MKRN2: variants seen among roughly 807,000 people sequenced by gnomAD.
The protein encoded by MKRN2 is E3 ubiquitin-protein ligase makorin-2.
In MKRN2, 32 loss-of-function variants were observed where a neutral mutation model predicts 45.4. The ratio of observed to expected loss-of-function variants is 0.70; its 90% CI spans 0.53 to 0.95. The LOEUF is 0.95. Among genes scored for constraint, MKRN2 ranks in the 40% least tolerant of loss-of-function variants. The pLI, the probability that MKRN2 is intolerant of heterozygous loss-of-function variation, is 0.00. For missense variants in MKRN2, 526 were observed against 536.7 expected (o/e 0.98, Z 0.20); for synonymous variants, 206 against 192.4 (o/e 1.07, Z -0.59).
chr3:12,576,254 G>A (rs889232682), intron 5 of MKRN2, among the ~76,000 whole-genome samples: 2 of 149,974 alleles, frequency 1.3e-5, no homozygotes, highest in Non-Finnish European at 3.0e-5. Context: ...TAAGTTCTGG[G>A]GTACATGTGC....
chr3:12,583,493 C>T lies in MKRN2; in HGVS notation c.*1240C>T. 1 of 207,240 alleles carries T rather than the reference C, an allele frequency of 4.8e-6. No homozygotes were observed. The highest frequency in any genetic ancestry group is 9.8e-6 in the Non-Finnish European group (1 of 101,696). The allele number at this position is 207,240 out of a possible 1,614,324, so 12.8% of individuals were successfully genotyped here. ...ATTACAAATTCATTCCCAGCCTAGG[C>T]TCTGGGCACATTTCCTGTTCTTGAA... On this transcript the variant is annotated 3_prime_UTR_variant, in exon 8 of 8. Transcript: ENST00000170447.
chr3:12,567,285 C>G (rs75401581), intron 1 of MKRN2, among the ~76,000 whole-genome samples: 1 of 105,996 alleles, frequency 9.4e-6, no homozygotes, highest in Non-Finnish European at 2.0e-5. Flanking sequence ...TTTTTTTTTT[C>G]TTTTGTGAGA....
chr3:12,561,458 A>G (rs1559386289), intron 1 of MKRN2, among the ~76,000 whole-genome samples: 1 of 152,154 alleles, frequency 6.6e-6, no homozygotes, highest in Non-Finnish European at 1.5e-5. Flanking sequence ...TGGTTCTTTC[A>G]GGAAATTTTC....
At chr3:12,560,924 A>C (rs2058032178) in intron 1 of MKRN2, 1 of 152,246 alleles carries the variant, frequency 6.6e-6, no homozygotes, top group South Asian at 2.1e-4. Flanking sequence ...GGCTTGGAGT[A>C]AGATCAGTAT....
At chr3:12,580,673 G>T (rs1002899054) in intron 6 of MKRN2, among the ~76,000 whole-genome samples, 2 of 152,144 alleles carry the variant, frequency 1.3e-5, no homozygotes, top group Non-Finnish European at 2.9e-5. Flanking sequence ...TGGCCAGGCT[G>T]GTCTCAAACT....
In MKRN2 at chr3:12,582,401, C is replaced by A; in HGVS notation, c.*148C>A. The stretch of plus-strand genomic sequence containing the variant: ...CTTAGCCTTAGTCTCATTCAATCTC[C>A]ATTATTACAGCCATGGGGAAGAGTG... On this transcript the variant is annotated 3_prime_UTR_variant, in exon 8 of 8. Transcript: ENST00000170447. The A allele has an allele frequency of 1.1e-6, 1 of 935,920 alleles. No individual in the cohort carries two copies. Among genetic ancestry groups the A allele is most frequent in the Non-Finnish European group, 1.6e-6 (1 of 618,750 alleles). The allele number at this position is 935,920 out of a possible 1,614,324, so 58.0% of individuals were successfully genotyped here. A position where few individuals can be genotyped will look rare whatever the true frequency, so the allele number is the denominator to read the frequency against.
intron 1 of MKRN2, among the ~76,000 whole-genome samples, chr3:12,560,298 C>T (rs1283665450): frequency 6.6e-6 from 1 of 152,034 alleles, no homozygotes; most frequent in Non-Finnish European, 1.5e-5. Flanking sequence ...ACATAGCAAG[C>T]AGTCTGACTT....
At position 12,583,676 on chromosome 3, in the gene MKRN2, C is replaced by CAATAAAAACAAAATT. The variant is rs2058213084; in HGVS notation, c.*1426_*1440dup. 2.6e-5 allele frequency: 6 copies of CAATAAAAACAAAATT among 233,234 alleles called. No homozygotes were observed. The South Asian group carries it at 1.1e-3, about 42-fold the overall frequency. The allele number at this position is 233,234 out of a possible 1,614,324, so 14.4% of individuals were successfully genotyped here. A position where few individuals can be genotyped will look rare whatever the true frequency, so the allele number is the denominator to read the frequency against. On this transcript the variant is annotated 3_prime_UTR_variant, in exon 8 of 8. Coordinates refer to ENST00000170447, the MANE Select transcript of MKRN2 (RefSeq NM_014160.5). ...TCAGATAACTGTATTTTGTCAGGTG[C>CAATAAAAACAAAATT]AATAAAAACAAAATTAAAACCCAAA... is the stretch of plus-strand genomic sequence containing the variant.
chr3:12,575,009 A>G lies in MKRN2; in HGVS notation c.857+3A>G. 6.2e-7 allele frequency: 1 copy of G among 1,612,690 alleles called. No homozygotes were observed. The highest frequency in any genetic ancestry group is 8.5e-7 in the Non-Finnish European group (1 of 1,178,706). ...CAGTTTGAAAACCCAATCATTAAGT[A>G]AGTACAGCCAGGGGTCTTAGCTGTG... On this transcript the variant is annotated splice_donor_region_variant and intron_variant, in intron 5 of 7. Coordinates refer to ENST00000170447, the MANE Select transcript of MKRN2 (RefSeq NM_014160.5).
intron 1 of MKRN2, among the ~76,000 whole-genome samples, chr3:12,559,055 A>G (rs759044037): frequency 6.6e-6 from 1 of 152,214 alleles, no homozygotes; most frequent in Non-Finnish European, 1.5e-5. Context: ...AAATTTATTT[A>G]TTGCAGGACT....
rs1425614581 is a variant in MKRN2 at position 12,575,656 on chromosome 3, G to A, written c.857+650G>A. Among the ~76,000 whole-genome samples, 8 of 152,126 alleles carry A rather than the reference G, an allele frequency of 5.3e-5. No individual in the cohort carries two copies. In the South Asian group the frequency reaches 6.2e-4, roughly 12 times the overall value. On this transcript the variant is annotated intron_variant, in intron 5 of 7. Coordinates refer to ENST00000170447, the MANE Select transcript of MKRN2 (RefSeq NM_014160.5). ...GGGGTCAAGTAATTTGCCTAAAATC[G>A]TGTGGTGAAACAACTGCTCTATTGA... is the stretch of plus-strand genomic sequence containing the variant.
rs558640922 is a variant in MKRN2, at chr3:12,580,828, A to T, written c.969-980A>T. 3.9e-5 allele frequency among the ~76,000 whole-genome samples: 6 copies of T among 152,248 alleles called. No homozygotes were observed. In the South Asian group the frequency reaches 1.2e-3, roughly 32 times the overall value. On this transcript the variant is annotated intron_variant, in intron 6 of 7. Coordinates refer to ENST00000170447, the MANE Select transcript of MKRN2 (RefSeq NM_014160.5). ...TTCACCACCGGCCTGCGGCCATCCC[A>T]TCTGACAAGACGGAAAACCACTGGA...
chr3:12,566,263 A>T (rs1414468089), intron 1 of MKRN2, among the ~76,000 whole-genome samples: 1 of 152,216 alleles, frequency 6.6e-6, no homozygotes, highest in Non-Finnish European at 1.5e-5. Context: ...CCAGGTAGGA[A>T]GTCAGACTAA....
intron 6 of MKRN2, among the ~76,000 whole-genome samples, chr3:12,577,424 T>C (rs151065800): frequency 2.0e-5 from 3 of 152,326 alleles, no homozygotes; most frequent in East Asian, 1.9e-4. Flanking sequence ...TGATAGTTTT[T>C]TTATATTGTT....
chr3:12,572,177 A>T lies in MKRN2; in HGVS notation c.446A>T (p.Asp149Val). The change falls in exon 4 of 8, where the codon GAT becomes GTT. Residue 149 changes from aspartate (D) to valine (V), a missense_variant. By Grantham distance (152) the Asp-to-Val change is radical. Transcript: ENST00000170447. ...GAGATGAAGCCGCATTCCTACCTGG[A>T]TGCCATCAGGAGTGGCCTTGATGAC... ...SPEMKPHSYL[D>V]AIRSGLDDVE... The T allele has an allele frequency of 6.2e-7, 1 of 1,614,068 alleles. No homozygotes were observed. Among genetic ancestry groups the T allele is most frequent in the Non-Finnish European group, 8.5e-7 (1 of 1,180,006 alleles).
At chr3:12,557,261 C>G in intron 1 of MKRN2, 85 bp downstream of exon 1, 1 of 1,488,962 alleles carries the variant, frequency 6.7e-7, no homozygotes, top group South Asian at 1.2e-5. Flanking sequence ...GTCCGGGAAC[C>G]TGAGGCTAGA....
chr3:12,580,518 T>C (rs1486972381), intron 6 of MKRN2, among the ~76,000 whole-genome samples: 4 of 127,080 alleles, frequency 3.1e-5, no homozygotes, highest in African/African-American at 1.2e-4. Context: ...AGTGGCACAA[T>C]CTTGGCTCAC....
intron 3 of MKRN2, 83 bp downstream of exon 3, chr3:12,570,335 T>A: frequency 2.2e-6 from 3 of 1,356,120 alleles, no homozygotes; most frequent in Non-Finnish European, 3.0e-6. Flanking sequence ...CCTCCTCTTG[T>A]CAAGAGGACT....
intron 2 of MKRN2, among the ~76,000 whole-genome samples, chr3:12,569,809 G>T (rs2058088089): frequency 6.6e-6 from 1 of 152,152 alleles, no homozygotes; most frequent in African/African-American, 2.4e-5. Flanking sequence ...TTCTCTGTGT[G>T]GTCTGGTGCT....
Sources: allele counts gnomAD v4.1 joint callset (sites outside exome capture counted in the v4.1 genomes callset), GRCh38; gene constraint gnomAD v4.1.1; transcripts MANE v1.5; gene names NCBI Gene and HGNC (gene_info 2026-07-23, HGNC 2026-07-21).